ZNF236: variants seen among roughly 807,000 people sequenced by gnomAD.
ZNF236 encodes zinc finger protein 236.
In ZNF236, 50 loss-of-function variants were observed where a neutral mutation model predicts 191.2. That is an observed-to-expected ratio of 0.26 (90% CI 0.21 to 0.33). The LOEUF (loss-of-function observed/expected upper bound fraction) is 0.33. Ranked by LOEUF, ZNF236 falls within the 10% of genes least tolerant of loss-of-function variation. The pLI, the probability that ZNF236 is intolerant of heterozygous loss-of-function variation, is 1.00. For synonymous variants in ZNF236, 907 were observed against 928.8 expected (o/e 0.98, Z 0.43); for missense variants, 1,754 against 2,374.5 (o/e 0.74, Z 5.43).
At chr18:76,898,289 C>A (rs1001974218) in intron 10 of ZNF236, 1 of 152,294 alleles carries the variant, frequency 6.6e-6, no homozygotes, top group Non-Finnish European at 1.5e-5. Context: ...GCACTCTACA[C>A]CACTGTCTGA....
At chr18:76,826,829 G>A (rs890410140) in intron 1 of ZNF236, among the ~76,000 whole-genome samples, 4 of 150,832 alleles carry the variant, frequency 2.7e-5, no homozygotes, top group Non-Finnish European at 5.9e-5. Context: ...GCATTTTAGT[G>A]TTCTGCCTTG....
At chr18:76,879,971 A>C (rs1976833240) in intron 7 of ZNF236, 142 bp from the exon 8 acceptor site, 1 of 723,644 alleles carries the variant, frequency 1.4e-6, no homozygotes, top group Admixed American at 3.0e-5. Context: ...TCAGTGAGGC[A>C]TTATATTTAA....
intron 3 of ZNF236, among the ~76,000 whole-genome samples, chr18:76,854,724 T>C (rs1265828358): frequency 2.6e-5 from 4 of 152,242 alleles, no homozygotes; most frequent in Admixed American, 2.6e-4. Context: ...TATGCATCTT[T>C]AATTATTTCC....
intron 1 of ZNF236, among the ~76,000 whole-genome samples, chr18:76,843,290 G>C (rs763140613): frequency 1.3e-5 from 2 of 152,022 alleles, no homozygotes; most frequent in Non-Finnish European, 2.9e-5. Flanking sequence ...AGCTATTAGG[G>C]CCTATCTATT....
At chr18:76,946,932 G>T (rs1257327997) in intron 26 of ZNF236, among the ~76,000 whole-genome samples, 11 of 152,154 alleles carry the variant, frequency 7.2e-5, no homozygotes, top group Non-Finnish European at 1.6e-4. Context: ...ATGGTTTTCA[G>T]TGTATTTACA....
chr18:76,904,619 TG>T, intron 12 of ZNF236, 98 bp downstream of exon 12: 1 of 1,150,722 alleles, frequency 8.7e-7, no homozygotes, highest in Non-Finnish European at 1.2e-6. Context: ...CATTAGCTTT[TG>T]GTATTAAAGA....
intron 1 of ZNF236, among the ~76,000 whole-genome samples, chr18:76,830,371 A>T (rs1475271131): frequency 6.6e-6 from 1 of 152,146 alleles, no homozygotes; most frequent in East Asian, 1.9e-4. Flanking sequence ...GGTTATTTCC[A>T]GTTTTTGGCT....
At chr18:76,918,871 G>A (rs1465527147) in intron 19 of ZNF236, among the ~76,000 whole-genome samples, 1 of 152,134 alleles carries the variant, frequency 6.6e-6, no homozygotes, top group South Asian at 2.1e-4. Flanking sequence ...AGCCAGTATA[G>A]TGTATCGTTT....
intron 17 of ZNF236, 117 bp downstream of exon 17, chr18:76,912,464 A>T: frequency 1.5e-6 from 1 of 647,050 alleles, no homozygotes; most frequent in African/African-American, 1.8e-5. Flanking sequence ...TGTTCAAAAC[A>T]GTTCCATTGT....
rs769723127 is a variant in ZNF236, at chr18:76,904,444, T to G, written c.1959T>G (p.Asn653Lys). The change falls in exon 12 of 31, where the codon AAT becomes AAG. Residue 653 changes from asparagine to lysine, a missense_variant. Coordinates refer to ENST00000320610, the MANE Select transcript of ZNF236 (RefSeq NM_001306089.2). ...FQSYFNNNFV[N>K]EADRPYKCFY... ...GCTATTTCAATAATAATTTTGTCAATGAAGCAGATAGACCATACAAGTGTT... is the reference window on the plus strand; with the variant it reads ...GCTATTTCAATAATAATTTTGTCAAGGAAGCAGATAGACCATACAAGTGTT... 2 of 1,611,554 alleles carry G rather than the reference T, an allele frequency of 1.2e-6. No homozygotes were observed. Among genetic ancestry groups the G allele is most frequent in the Non-Finnish European group, 1.7e-6 (2 of 1,178,966 alleles).
chr18:76,922,776 C>T (rs1419090983), intron 20 of ZNF236, among the ~76,000 whole-genome samples: 2 of 152,146 alleles, frequency 1.3e-5, no homozygotes, highest in Non-Finnish European at 2.9e-5. Flanking sequence ...AGTCTGGTCT[C>T]GAAATCCTGA....
rs757486156 is a variant in ZNF236 at position 76,905,125 on chromosome 18, T to C, written c.2037-30T>C. 5.1e-6 allele frequency: 8 copies of C among 1,579,906 alleles called. No homozygotes were observed. In the East Asian group the frequency reaches 6.8e-5, roughly 13 times the overall value. ...AAGCATTATAAAAGTATAAGAAACA[T>C]ATTCATTAAAATGTGTATTTTTTTT... On this transcript the variant is annotated intron_variant, in intron 12 of 30. Transcript: ENST00000320610.
chr18:76,947,482 A>G (rs372897406), intron 26 of ZNF236, 39 bp from the exon 27 acceptor site: 17 of 1,588,272 alleles, frequency 1.1e-5, no homozygotes, highest in Admixed American at 3.6e-5. Flanking sequence ...TTGTTTTGCT[A>G]AAGTTACAAC....
chr18:76,936,541 T>C (rs1193767154), intron 25 of ZNF236, among the ~76,000 whole-genome samples: 1 of 152,238 alleles, frequency 6.6e-6, no homozygotes, highest in Non-Finnish European at 1.5e-5. Context: ...AATTAAGATG[T>C]CATGCAGGAT....
rs1305957343 is a variant in ZNF236 at position 76,930,456 on chromosome 18, T to A, written c.4594+2350T>A. Reference sequence around the variant, plus strand: ...TCCATTGGATGTCCAACAGATTTTTTATTCTCATATTCATTTCTAGTTGCC... The same window carrying A: ...TCCATTGGATGTCCAACAGATTTTTAATTCTCATATTCATTTCTAGTTGCC... On this transcript the variant is annotated intron_variant, in intron 25 of 30. Coordinates refer to ENST00000320610, the MANE Select transcript of ZNF236 (RefSeq NM_001306089.2). Among the ~76,000 whole-genome samples the A allele has an allele frequency of 3.9e-5, 6 of 152,380 alleles. No homozygotes were observed. In the East Asian group the frequency reaches 1.2e-3, roughly 29 times the overall value.
intron 1 of ZNF236, among the ~76,000 whole-genome samples, chr18:76,829,825 G>C (rs190032341): frequency 6.6e-6 from 1 of 152,130 alleles, no homozygotes; most frequent in Non-Finnish European, 1.5e-5. Context: ...GGCCTTCCCC[G>C]CACTGTCCTG....
intron 26 of ZNF236, among the ~76,000 whole-genome samples, chr18:76,943,138 A>AAG (rs1434780029): frequency 1.3e-5 from 2 of 151,274 alleles, no homozygotes; most frequent in African/African-American, 4.9e-5. Flanking sequence ...AAAAAAAAAA[A>AAG]AAAAGAAGAG....
chr18:76,850,761 C>T (rs1344797926), intron 2 of ZNF236, among the ~76,000 whole-genome samples: 1 of 151,994 alleles, frequency 6.6e-6, no homozygotes, highest in East Asian at 1.9e-4. Flanking sequence ...CACCACCATG[C>T]CTGGCTCATT....
chr18:76,923,459 C>G (rs933461968), intron 21 of ZNF236, among the ~76,000 whole-genome samples: 1 of 152,206 alleles, frequency 6.6e-6, no homozygotes, highest in Non-Finnish European at 1.5e-5. Flanking sequence ...AAGATTACCT[C>G]TTAGTCTCAT....
Sources: allele counts gnomAD v4.1 joint callset (sites outside exome capture counted in the v4.1 genomes callset), GRCh38; gene constraint gnomAD v4.1.1; transcripts MANE v1.5; gene names NCBI Gene and HGNC (gene_info 2026-07-23, HGNC 2026-07-21).